SGCD: variants seen among roughly 807,000 people sequenced by gnomAD.
The protein encoded by SGCD is sarcoglycan delta, also known as delta-sarcoglycan.
SGCD carries 18 observed loss-of-function variants against 36.6 expected under a neutral mutation model. The ratio of observed to expected loss-of-function variants is 0.49; its 90% CI spans 0.34 to 0.73. The LOEUF is 0.73. Ranked by LOEUF, SGCD falls within the 30% of genes least tolerant of loss-of-function variation. The pLI is 0.01. For synonymous variants in SGCD, 133 were observed against 130.6 expected, an observed-to-expected ratio of 1.02 and a Z score of -0.12; for missense variants, 387 against 346.7, an observed-to-expected ratio of 1.12 and a Z score of -0.92.
intron 3 of SGCD, among the ~76,000 whole-genome samples, chr5:156,150,772 A>G (rs1438510431): frequency 6.6e-6 from 1 of 151,652 alleles, no homozygotes. Context: ...TTCTCTTATA[A>G]TGAACTTGTT....
chr5:155,873,601 C>T (rs1406170838), intron 1 of SGCD, among the ~76,000 whole-genome samples: 1 of 152,176 alleles, frequency 6.6e-6, no homozygotes, highest in Admixed American at 6.5e-5. Flanking sequence ...GTGATGGCTG[C>T]ACTCAAAGCC....
At chr5:155,917,120 C>G (rs1254876062) in intron 1 of SGCD, among the ~76,000 whole-genome samples, 2 of 152,194 alleles carry the variant, frequency 1.3e-5, no homozygotes, top group Admixed American at 1.3e-4. Flanking sequence ...TTGGCCCTAA[C>G]TTTCTCTTTT....
At chr5:156,326,506 C>G (rs116373807), upstream of SGCD, among the ~76,000 whole-genome samples, 659 of 152,276 alleles carry the variant, frequency 4.3e-3, 2 homozygotes, top group Admixed American at 9.6e-3. Flanking sequence ...ATGTACATAT[C>G]AGGTTGAGGG....
At chr5:155,938,833 A>T (rs9313627) in intron 1 of SGCD, among the ~76,000 whole-genome samples, 2 of 152,206 alleles carry the variant, frequency 1.3e-5, no homozygotes, top group African/African-American at 2.4e-5. Context: ...AGATAAGACA[A>T]CTGTTAAACT....
At chr5:156,624,086 G>C (rs1212584995) in intron 6 of SGCD, among the ~76,000 whole-genome samples, 1 of 152,150 alleles carries the variant, frequency 6.6e-6, no homozygotes, top group East Asian at 1.9e-4. Context: ...TATGATGTCT[G>C]AGAAATGTAC....
At chr5:155,728,750 C>T in the SGCD span, among the ~76,000 whole-genome samples, 1 of 152,130 alleles carries the variant, frequency 6.6e-6, no homozygotes. Context: ...CCGCCAACTT[C>T]CCTGTGAGCC....
chr5:156,413,097 G>A (rs563798136), intron 3 of SGCD, among the ~76,000 whole-genome samples: 9 of 152,220 alleles, frequency 5.9e-5, no homozygotes, highest in African/African-American at 9.6e-5. Context: ...GCGCCCGGCC[G>A]CAGGGTTGGT....
intron 1 of SGCD, among the ~76,000 whole-genome samples, chr5:155,874,014 A>G (rs1019970869): frequency 6.6e-6 from 1 of 152,140 alleles, no homozygotes; most frequent in Non-Finnish European, 1.5e-5. Flanking sequence ...TTCTTTGAAC[A>G]TTTACACCAT....
At chr5:155,977,296 G>T (rs571479890) in intron 1 of SGCD, among the ~76,000 whole-genome samples, 1 of 152,282 alleles carries the variant, frequency 6.6e-6, no homozygotes, top group East Asian at 1.9e-4. Flanking sequence ...AACTTGACTA[G>T]ACCCACTGGT....
intron 3 of SGCD, among the ~76,000 whole-genome samples, chr5:156,264,679 A>G (rs1048608943): frequency 6.6e-6 from 1 of 152,154 alleles, no homozygotes; most frequent in Non-Finnish European, 1.5e-5. Flanking sequence ...ACAAGTATCA[A>G]CCAGAAAGCA....
Position 156,760,540 on chromosome 5 carries a change from C to G in SGCD, c.*1150C>G, listed in dbSNP as rs1757481779. 1 of 152,530 alleles carries G rather than the reference C, an allele frequency of 6.6e-6. No homozygotes were observed. Among genetic ancestry groups the G allele is most frequent in the Non-Finnish European group, 1.5e-5 (1 of 68,038 alleles). The allele number at this position is 152,530 out of a possible 1,614,324, so 9.4% of individuals were successfully genotyped here. On this transcript the variant is annotated 3_prime_UTR_variant, in exon 9 of 9. Coordinates refer to ENST00000337851, the MANE Select transcript of SGCD (RefSeq NM_000337.6). The stretch of plus-strand genomic sequence containing the variant: ...TCCTAAAGCCACTATTGTGTTTTCT[C>G]TAAGAAGCACTACATGCCACCAGAA...
At chr5:156,321,783 G>C (rs1301040684), upstream of SGCD, among the ~76,000 whole-genome samples, 1 of 152,160 alleles carries the variant, frequency 6.6e-6, no homozygotes, top group African/African-American at 2.4e-5. Context: ...CAAAACTGTG[G>C]GTGAAGCCTA....
At chr5:156,275,542 T>C (rs1766294265) in intron 3 of SGCD, among the ~76,000 whole-genome samples, 1 of 152,194 alleles carries the variant, frequency 6.6e-6, no homozygotes, top group Non-Finnish European at 1.5e-5. Context: ...TCTTGCATGT[T>C]ACGATGCATT....
chr5:156,025,603 C>T (rs1198303685), intron 1 of SGCD, among the ~76,000 whole-genome samples: 1 of 152,090 alleles, frequency 6.6e-6, no homozygotes, highest in Non-Finnish European at 1.5e-5. Flanking sequence ...TTCTATGGGC[C>T]TATTTTGATA....
rs570890257 is a variant in SGCD, at chr5:156,435,885, G to T, written c.193-72716G>T. ...GAAACCCTTAACTCCCAATGTTTAC[G>T]CAGGCTACCTTCTGTCCAAGATGCT... On this transcript the variant is annotated intron_variant, in intron 3 of 8. Transcript: ENST00000337851. Among the ~76,000 whole-genome samples the T allele has an allele frequency of 4.6e-4, 70 of 152,226 alleles. 1 individual carries two copies. In the Middle Eastern group the frequency reaches 0.014, roughly 30 times the overall value.
intron 3 of SGCD, among the ~76,000 whole-genome samples, chr5:156,290,584 T>C (rs970941058): frequency 6.6e-6 from 1 of 152,166 alleles, no homozygotes; most frequent in Non-Finnish European, 1.5e-5. Context: ...GCACATGAAG[T>C]GTTGAACATA....
chr5:155,818,762 C>A, the SGCD span, among the ~76,000 whole-genome samples: 1 of 152,128 alleles, frequency 6.6e-6, no homozygotes, highest in African/African-American at 2.4e-5. Flanking sequence ...CTCAAGAGAT[C>A]CTCCCACCCT....
chr5:156,549,176 G>T (rs965927092), intron 4 of SGCD, among the ~76,000 whole-genome samples: 7 of 149,302 alleles, frequency 4.7e-5, no homozygotes, highest in African/African-American at 1.8e-4. Context: ...ATTTAAATAT[G>T]ATATTACCTT....
At chr5:156,323,015 T>A (rs1767712430), upstream of SGCD, among the ~76,000 whole-genome samples, 1 of 152,138 alleles carries the variant, frequency 6.6e-6, no homozygotes, top group South Asian at 2.1e-4. Context: ...ACCTCTGGGG[T>A]GGGACCCTGG....
Sources: allele counts gnomAD v4.1 joint callset (sites outside exome capture counted in the v4.1 genomes callset), GRCh38; gene constraint gnomAD v4.1.1; transcripts MANE v1.5; gene names NCBI Gene and HGNC (gene_info 2026-07-23, HGNC 2026-07-21).